Variants in WHRN observed in about 807,000 individuals in gnomAD.
WHRN encodes CASK-interacting protein CIP98.
A neutral mutation model predicts 68.3 loss-of-function variants in WHRN; 41 were observed. The ratio of observed to expected loss-of-function variants is 0.60; its 90% CI spans 0.47 to 0.78. The LOEUF (loss-of-function observed/expected upper bound fraction) is 0.78, where lower values mean the gene tolerates loss of function less well. WHRN is among the 30% of genes least tolerant of loss of function. The pLI is 0.00. For synonymous variants in WHRN, 560 were observed against 561.3 expected (o/e 1.00, Z 0.03); for missense variants, 1,243 against 1,244.7 (o/e 1.00, Z 0.02).
intron 2 of WHRN, among the ~76,000 whole-genome samples, chr9:114,470,765 T>C (rs1841145512): frequency 6.6e-6 from 1 of 152,084 alleles, no homozygotes; most frequent in African/African-American, 2.4e-5. Context: ...GCCTGGGGTC[T>C]ACACACCCAG....
At chr9:114,436,420 C>T (rs1007612670) in intron 3 of WHRN, among the ~76,000 whole-genome samples, 2 of 151,984 alleles carry the variant, frequency 1.3e-5, no homozygotes, top group Admixed American at 6.5e-5. Context: ...TACACTAATA[C>T]GAAATGTTAA....
intron 3 of WHRN, among the ~76,000 whole-genome samples, chr9:114,434,296 T>C (rs761999382): frequency 2.0e-5 from 3 of 152,198 alleles, no homozygotes; most frequent in African/African-American, 4.8e-5. Flanking sequence ...AGCAAGCAAG[T>C]AGCAGAGTGG....
At chr9:114,500,060 C>T (rs979981325) in intron 1 of WHRN, among the ~76,000 whole-genome samples, 1 of 152,132 alleles carries the variant, frequency 6.6e-6, no homozygotes, top group African/African-American at 2.4e-5. Flanking sequence ...AGGATTTTGT[C>T]CTACCTAGGC....
chr9:114,491,875 G>A (rs929082013), intron 1 of WHRN: 3 of 263,082 alleles, frequency 1.1e-5, no homozygotes, highest in Non-Finnish European at 2.2e-5. Context: ...AGTCTGCAGC[G>A]GGTCCCTTTT....
chr9:114,480,008 A>G (rs762828281), intron 1 of WHRN, among the ~76,000 whole-genome samples: 6 of 152,244 alleles, frequency 3.9e-5, no homozygotes, highest in Admixed American at 6.5e-5. Flanking sequence ...GGTTGCAGTG[A>G]GCTGAGATCG....
chr9:114,473,026 T>C (rs1325246598), intron 2 of WHRN, among the ~76,000 whole-genome samples: 1 of 152,210 alleles, frequency 6.6e-6, no homozygotes, highest in East Asian at 1.9e-4. Flanking sequence ...TGTTCCAGGC[T>C]TGTAGCAGCC....
At chr9:114,487,922 A>T (rs1420783364) in intron 1 of WHRN, among the ~76,000 whole-genome samples, 1 of 152,220 alleles carries the variant, frequency 6.6e-6, no homozygotes, top group African/African-American at 2.4e-5. Flanking sequence ...TTTCTTCCAC[A>T]GTTTCCAAAA....
rs371079418 is a variant in WHRN at position 114,420,230 on chromosome 9, T to C, written c.1626+3084A>G. On this transcript the variant is annotated intron_variant, in intron 7 of 11. Transcript: ENST00000362057. ...AAACCCCTTTTCTATTTACCTTGAA[T>C]GCTTTGGGCAGGAATAATGGAGAGA... Among the ~76,000 whole-genome samples, 165 of 152,322 alleles carry C rather than the reference T, an allele frequency of 1.1e-3. 6 individuals carry two copies. In the South Asian group the frequency reaches 0.032, roughly 30 times the overall value.
intron 2 of WHRN, among the ~76,000 whole-genome samples, chr9:114,467,042 C>T (rs561516790): frequency 2.0e-3 from 297 of 151,746 alleles, no homozygotes; most frequent in African/African-American, 6.7e-3. Flanking sequence ...ATCCTGTCAC[C>T]CCAGGGATCT....
chr9:114,489,248 A>T (rs555578976), intron 1 of WHRN, among the ~76,000 whole-genome samples: 1 of 152,330 alleles, frequency 6.6e-6, no homozygotes, highest in African/African-American at 2.4e-5. Flanking sequence ...GGAGATGGTA[A>T]GAGATTCCAC....
chr9:114,463,857 A>T (rs1219930886), intron 3 of WHRN, among the ~76,000 whole-genome samples: 1 of 152,108 alleles, frequency 6.6e-6, no homozygotes, highest in Non-Finnish European at 1.5e-5. Context: ...TCTCCTACCC[A>T]TCTGGCTGGC....
intron 2 of WHRN, among the ~76,000 whole-genome samples, chr9:114,477,998 G>A (rs1293772961): frequency 6.6e-6 from 1 of 152,186 alleles, no homozygotes; most frequent in Admixed American, 6.5e-5. Context: ...ACGAGAAGGG[G>A]CAAGACCCTG....
In WHRN at chr9:114,456,478, A is replaced by G. The variant is rs539453908; in HGVS notation, c.963+9789T>C. On this transcript the variant is annotated intron_variant, in intron 3 of 11. Coordinates refer to ENST00000362057, the MANE Select transcript of WHRN (RefSeq NM_015404.4). Reference sequence around the variant, plus strand: ...CGATCTTATAAGACAGAAACCAAGAAGAGTCGTATATAAACACTGTACTTC... The same window carrying G: ...CGATCTTATAAGACAGAAACCAAGAGGAGTCGTATATAAACACTGTACTTC... 1.1e-4 allele frequency among the ~76,000 whole-genome samples: 16 copies of G among 152,322 alleles called. No individual in the cohort carries two copies. The East Asian group carries it at 2.9e-3, about 28-fold the overall frequency.
intron 1 of WHRN, among the ~76,000 whole-genome samples, chr9:114,485,307 A>T (rs10817625): frequency 0.43 from 65,306 of 152,138 alleles, 15,931 homozygotes; most frequent in East Asian, 0.62. Context: ...GTGTTCAGAC[A>T]CACCGGACAA....
chr9:114,493,196 A>C (rs775466473), intron 1 of WHRN, among the ~76,000 whole-genome samples: 7 of 151,242 alleles, frequency 4.6e-5, no homozygotes, highest in Non-Finnish European at 8.8e-5. Context: ...CCAAAAATAA[A>C]CACAATTAGC....
intron 1 of WHRN, among the ~76,000 whole-genome samples, chr9:114,501,817 C>T (rs531214248): frequency 4.6e-5 from 7 of 152,204 alleles, no homozygotes; most frequent in African/African-American, 7.2e-5. Flanking sequence ...TGGTGACTCG[C>T]AGCACTGCAG....
rs370178817 is a variant in WHRN, at chr9:114,424,390, C to T, written c.1360G>A (p.Val454Ile). The T allele has an allele frequency of 2.2e-5, 35 of 1,612,598 alleles. No homozygotes were observed. Among genetic ancestry groups the T allele is most frequent in the Non-Finnish European group, 2.7e-5 (32 of 1,180,024 alleles). Residue 454 changes from valine to isoleucine, a missense_variant, in exon 6 of 12, where the codon GTC (valine) becomes ATC (isoleucine). Physicochemically the swap from Val to Ile is conservative, Grantham distance 29. Transcript: ENST00000362057. The part of the protein sequence containing the change: ...YYLDEYRGGS[V>I]SVEALVMALF... ...GCCATGACGAGGGCCTCCACAGAGA[C>T]GCTGCCACCACGGTACTCATCCAGG...
chr9:114,493,370 AAGTGGGG>A (rs1843159580), intron 1 of WHRN, among the ~76,000 whole-genome samples: 1 of 45,332 alleles, frequency 2.2e-5, no homozygotes, highest in African/African-American at 8.8e-5. Context: ...AAAAAAAAAA[AAGTGGGG>A]GTGGGGGGGT....
chr9:114,489,955 C>T (rs1374745773), intron 1 of WHRN, among the ~76,000 whole-genome samples: 1 of 152,138 alleles, frequency 6.6e-6, no homozygotes, highest in Admixed American at 6.5e-5. Flanking sequence ...AATTGTTATT[C>T]TTATATTATT....
Sources: gnomAD v4.1 joint callset for allele counts (sites outside exome capture counted in the v4.1 genomes callset) on GRCh38, gnomAD v4.1.1 for gene constraint, MANE v1.5 for transcripts, NCBI Gene and HGNC (gene_info 2026-07-23, HGNC 2026-07-21) for gene names.